Variants in PTPN4 observed in about 807,000 individuals in gnomAD.
PTPN4 encodes the protein tyrosine-protein phosphatase non-receptor type 4.
A neutral mutation model predicts 135.5 loss-of-function variants in PTPN4; 49 were observed. That is an observed-to-expected ratio of 0.36 (90% CI 0.29 to 0.46). The LOEUF is 0.46. Among genes scored for constraint, PTPN4 ranks in the 20% least tolerant of loss-of-function variants. PTPN4 has a pLI of 1.00. For synonymous variants in PTPN4, 333 were observed against 369.9 expected, an observed-to-expected ratio of 0.90 and a Z score of 1.14; for missense variants, 860 against 1,101.0, an observed-to-expected ratio of 0.78 and a Z score of 3.10.
At position 119,882,586 on chromosome 2, in the gene PTPN4, T is replaced by A. The variant is rs1305393488; in HGVS notation, c.550T>A (p.Phe184Ile). The change falls in exon 8 of 27, where the codon TTT becomes ATT. Residue 184 changes from phenylalanine (F) to isoleucine (I), a missense_variant. Transcript: ENST00000263708. ...TTTCATTCCTAATCAACCTCAAGAT[T>A]TTGAAAAAGAAATTGCAAAATTACA... is the stretch of plus-strand genomic sequence containing the variant. ...YSFIPNQPQD[F>I]EKEIAKLHQQ... The A allele has an allele frequency of 1.3e-6, 2 of 1,562,670 alleles. No homozygotes were observed. Among genetic ancestry groups the A allele is most frequent in the African/African-American group, 2.7e-5 (2 of 73,096 alleles).
At position 119,808,864 on chromosome 2, in the gene PTPN4, A is replaced by G. The variant is rs554446333; in HGVS notation, c.-17-973A>G. Among the ~76,000 whole-genome samples the G allele has an allele frequency of 1.1e-4, 16 of 152,338 alleles. No homozygotes were observed. In the South Asian group the frequency reaches 2.1e-3, roughly 20 times the overall value. On this transcript the variant is annotated intron_variant, in intron 1 of 26. Coordinates refer to ENST00000263708, the MANE Select transcript of PTPN4 (RefSeq NM_002830.4). ...AATCTTTTGAAATGAATAATCTGTG[A>G]GAGATCAGCTCCAGGTATTATCACT...
Position 119,977,961 on chromosome 2 carries a change from TGTTATA to T in PTPN4, c.*892_*897del, listed in dbSNP as rs1177400745. 1 of 152,182 alleles carries T rather than the reference TGTTATA, an allele frequency of 6.6e-6. No homozygotes were observed. The highest frequency in any genetic ancestry group is 2.4e-5 in the African/African-American group (1 of 41,440). The allele number at this position is 152,182 out of a possible 1,614,324, so 9.4% of individuals were successfully genotyped here. The stretch of plus-strand genomic sequence containing the variant: ...CATTTTAAAAAACAGCTATATTGAG[TGTTATA>T]CAGTCAAAGAAGGGTAAGGAAATTC... On this transcript the variant is annotated 3_prime_UTR_variant, in exon 27 of 27. Coordinates refer to ENST00000263708, the MANE Select transcript of PTPN4 (RefSeq NM_002830.4).
intron 1 of PTPN4, among the ~76,000 whole-genome samples, chr2:119,784,199 C>G (rs887463501): frequency 2.0e-5 from 3 of 151,168 alleles, no homozygotes; most frequent in East Asian, 3.9e-4. Context: ...CTCTGTTGGT[C>G]AAAGCAATTA....
intron 6 of PTPN4, 129 bp from the exon 7 acceptor site, chr2:119,881,968 A>G (rs1423878214): frequency 1.8e-6 from 2 of 1,091,848 alleles, no homozygotes; most frequent in Non-Finnish European, 2.7e-6. Flanking sequence ...CTTTCATCAG[A>G]TAAGTTTATT....
intron 14 of PTPN4, among the ~76,000 whole-genome samples, chr2:119,933,565 G>T (rs901352761): frequency 1.3e-5 from 2 of 151,446 alleles, no homozygotes; most frequent in African/African-American, 4.9e-5. Flanking sequence ...CTGTCAGGGG[G>T]GTGGGGCAGG....
At chr2:119,766,360 A>G (rs1451878149) in intron 1 of PTPN4, among the ~76,000 whole-genome samples, 1 of 152,098 alleles carries the variant, frequency 6.6e-6, no homozygotes, top group Non-Finnish European at 1.5e-5. Flanking sequence ...AAACTTAAGA[A>G]TTCTTAAGTC....
chr2:119,968,866 TATTA>T (rs1389146608), intron 26 of PTPN4, among the ~76,000 whole-genome samples: 2 of 152,172 alleles, frequency 1.3e-5, no homozygotes, highest in Non-Finnish European at 2.9e-5. Flanking sequence ...CTACACTGAG[TATTA>T]ATTATGCTTC....
chr2:119,866,257 C>T (rs1558749107), intron 3 of PTPN4, among the ~76,000 whole-genome samples: 1 of 151,942 alleles, frequency 6.6e-6, no homozygotes, highest in Non-Finnish European at 1.5e-5. Flanking sequence ...CTGTTTCTTT[C>T]CCTATTAAAT....
intron 1 of PTPN4, among the ~76,000 whole-genome samples, chr2:119,775,633 T>C (rs1690821372): frequency 6.6e-6 from 1 of 152,166 alleles, no homozygotes; most frequent in Non-Finnish European, 1.5e-5. Context: ...ATCATGGAAG[T>C]CTGGAGGATT....
intron 19 of PTPN4, 114 bp from the exon 20 acceptor site, chr2:119,955,043 C>A: frequency 9.8e-7 from 1 of 1,015,730 alleles, no homozygotes. Flanking sequence ...TGTAATTCTT[C>A]ACAAATGAAT....
chr2:119,976,297 A>G (rs963799355), intron 26 of PTPN4, among the ~76,000 whole-genome samples: 1 of 151,998 alleles, frequency 6.6e-6, no homozygotes, highest in Admixed American at 6.6e-5. Flanking sequence ...GCACCCGGCC[A>G]AGAAACTATT....
At chr2:119,973,655 G>GTTTTTTTTTTTTTTGTTT (rs1679569180) in intron 26 of PTPN4, among the ~76,000 whole-genome samples, 1 of 38,394 alleles carries the variant, frequency 2.6e-5, no homozygotes, top group African/African-American at 1.3e-4. Flanking sequence ...TTCATTTCTT[G>GTTTTTTTTTTTTTTGTTT]TTTTTTTTTT....
Position 119,881,719 on chromosome 2 carries a change from A to T in PTPN4, c.369-67A>T, listed in dbSNP as rs893701250. ...TGTTTATTTGTTAATGTAAGTATAC[A>T]GTTTCTTAGAATTGAAATTGTTACA... On this transcript the variant is annotated intron_variant, in intron 5 of 26. Coordinates refer to ENST00000263708, the MANE Select transcript of PTPN4 (RefSeq NM_002830.4). 1.3e-5 allele frequency: 14 copies of T among 1,097,182 alleles called. No individual in the cohort carries two copies. The African/African-American group carries it at 1.9e-4, about 15-fold the overall frequency. 68.0% of individuals were successfully genotyped at this position (1,097,182 alleles called of 1,614,324 possible). A position where few individuals can be genotyped will look rare whatever the true frequency, so the allele number is the denominator to read the frequency against.
Position 119,982,579 on chromosome 2 carries a change from G to A in PTPN4, c.*5509G>A, listed in dbSNP as rs1442735802. The A allele has an allele frequency of 6.6e-6, 1 of 152,134 alleles. No homozygotes were observed. The highest frequency in any genetic ancestry group is 1.5e-5 in the Non-Finnish European group (1 of 68,006). The allele number at this position is 152,134 out of a possible 1,614,324, so 9.4% of individuals were successfully genotyped here. On this transcript the variant is annotated 3_prime_UTR_variant, in exon 27 of 27. Transcript: ENST00000263708. ...AGAATAGAAACTTTTCAGAAAATTT[G>A]CACATACTGTTTGTAAGTATAAAAT...
intron 18 of PTPN4, among the ~76,000 whole-genome samples, chr2:119,946,880 T>G (rs1679142468): frequency 2.0e-5 from 3 of 152,048 alleles, no homozygotes; most frequent in South Asian, 4.1e-4. Flanking sequence ...TTCGTGGGGG[T>G]TTTTGTTTGC....
chr2:119,845,924 C>T (rs1163684833), intron 2 of PTPN4, among the ~76,000 whole-genome samples: 2 of 152,130 alleles, frequency 1.3e-5, no homozygotes, highest in Non-Finnish European at 2.9e-5. Flanking sequence ...TCTAATTTCT[C>T]TTGTGATTTC....
chr2:119,824,535 A>C (rs1345242276), intron 2 of PTPN4, among the ~76,000 whole-genome samples: 1 of 152,166 alleles, frequency 6.6e-6, no homozygotes, highest in East Asian at 1.9e-4. Context: ...AGTAGCATTG[A>C]AGTCTTCAAG....
Position 119,946,702 on chromosome 2 carries a change from C to G in PTPN4, c.1656+128C>G, listed in dbSNP as rs1574416537. On this transcript the variant is annotated intron_variant, in intron 18 of 26. Coordinates refer to ENST00000263708, the MANE Select transcript of PTPN4 (RefSeq NM_002830.4). ...TTATTTATCAAGTGTCAAATGTTGG[C>G]TGAATCTCTTTAAGTTGCTGGGAAG... 6.6e-6 allele frequency: 5 copies of G among 756,492 alleles called. No individual in the cohort carries two copies. In the East Asian group the frequency reaches 1.5e-4, roughly 22 times the overall value. 46.9% of individuals were successfully genotyped at this position (756,492 alleles called of 1,614,324 possible).
rs546691844 is a variant in PTPN4, at chr2:119,983,555, T to G, written c.*6485T>G. ...AAATTTCAATGCTAAATTTGATTTT[T>G]TGAATTTTAAATAGTTGCACTTTAT... On this transcript the variant is annotated 3_prime_UTR_variant, in exon 27 of 27. Transcript: ENST00000263708. 1 of 152,348 alleles carries G rather than the reference T, an allele frequency of 6.6e-6. No homozygotes were observed. Among genetic ancestry groups the G allele is most frequent in the South Asian group, 2.1e-4 (1 of 4,830 alleles). The allele number at this position is 152,348 out of a possible 1,614,324, so 9.4% of individuals were successfully genotyped here.
Sources: allele counts gnomAD v4.1 joint callset (sites outside exome capture counted in the v4.1 genomes callset), GRCh38; gene constraint gnomAD v4.1.1; transcripts MANE v1.5; gene names NCBI Gene and HGNC (gene_info 2026-07-23, HGNC 2026-07-21).